Variants in ERC1 observed in about 807,000 individuals in gnomAD.
ERC1 encodes the protein ELKS/RAB6-interacting/CAST family member 1.
In ERC1, 56 loss-of-function variants were observed where a neutral mutation model predicts 132.0. The observed-to-expected ratio is 0.42, with a 90% CI of 0.34 to 0.53. The LOEUF (loss-of-function observed/expected upper bound fraction) is 0.53. Among genes scored for constraint, ERC1 ranks in the 20% least tolerant of loss-of-function variants. The probability of loss-of-function intolerance (pLI) is 0.03; values close to 1 mark genes in which losing one functional copy is unlikely to be tolerated. For missense variants in ERC1, 1,202 were observed against 1,349.9 expected (o/e 0.89, Z 1.72); for synonymous variants, 478 against 476.1 (o/e 1.00, Z -0.05).
intron 10 of ERC1, 143 bp downstream of exon 10, chr12:1,182,208 A>G (rs1954558045): frequency 1.4e-6 from 1 of 707,208 alleles, no homozygotes; most frequent in African/African-American, 1.8e-5. Flanking sequence ...TGAATACCTT[A>G]AGGAATATTT....
intron 18 of ERC1, among the ~76,000 whole-genome samples, chr12:1,459,655 T>C (rs1328591142): frequency 6.6e-6 from 1 of 152,212 alleles, no homozygotes; most frequent in Non-Finnish European, 1.5e-5. Context: ...GAAGGTTGAC[T>C]AAGAACAGAC....
intron 7 of ERC1, among the ~76,000 whole-genome samples, chr12:1,120,557 T>C (rs1030077009): frequency 6.6e-6 from 1 of 152,208 alleles, no homozygotes; most frequent in Non-Finnish European, 1.5e-5. Flanking sequence ...TTCTCAAGAA[T>C]TAAAGTTCTT....
chr12:1,113,001 C>T (rs1185774999), intron 6 of ERC1, among the ~76,000 whole-genome samples: 1 of 152,090 alleles, frequency 6.6e-6, no homozygotes, highest in Non-Finnish European at 1.5e-5. Flanking sequence ...TGTGTCTGTG[C>T]TGAACATGTA....
At chr12:1,471,153 G>T (rs777055802) in intron 18 of ERC1, among the ~76,000 whole-genome samples, 4 of 152,182 alleles carry the variant, frequency 2.6e-5, no homozygotes, top group Non-Finnish European at 5.9e-5. Context: ...TGCTGAGCAT[G>T]GTGGCACACA....
intron 17 of ERC1, among the ~76,000 whole-genome samples, chr12:1,427,825 G>A (rs1034183786): frequency 1.4e-4 from 22 of 152,174 alleles, no homozygotes; most frequent in African/African-American, 4.3e-4. Flanking sequence ...CATATAGGAC[G>A]TGCTCAATAA....
chr12:1,112,159 CAAG>C (rs1555248747), intron 5 of ERC1, 53 bp from the exon 6 acceptor site: 5 of 1,203,044 alleles, frequency 4.2e-6, no homozygotes, highest in Non-Finnish European at 4.9e-6. Context: ...CAAAAGTAGA[CAAG>C]AAGAAGACCT....
At chr12:1,436,322 C>CT (rs1243936736) in intron 17 of ERC1, among the ~76,000 whole-genome samples, 2 of 152,198 alleles carry the variant, frequency 1.3e-5, no homozygotes, top group African/African-American at 2.4e-5. Context: ...ATACTTGGCT[C>CT]TTTTTTGTAG....
chr12:1,112,251 G>C lies in ERC1; in HGVS notation c.1354G>C (p.Ala452Pro), dbSNP rs890359052. 6 of 1,613,526 alleles carry C rather than the reference G, an allele frequency of 3.7e-6. No homozygotes were observed. Among genetic ancestry groups the C allele is most frequent in the Non-Finnish European group, 5.1e-6 (6 of 1,179,498 alleles). ...GAAGGAGGAACTAAGTTCGAAAGAG[G>C]CTCAATGGGAGGAGCTGAAAAAGAA... is the stretch of plus-strand genomic sequence containing the variant. Reference protein sequence around the residue: ...QLKEELSSKEAQWEELKKKAA... With the variant: ...QLKEELSSKEPQWEELKKKAA... Residue 452 changes from alanine to proline, a missense_variant, in exon 6 of 19, where the codon GCT becomes CCT. By Grantham distance (27) the Ala-to-Pro change is conservative (BLOSUM62 -1). Coordinates refer to ENST00000360905, the MANE Select transcript of ERC1 (RefSeq NM_178040.4).
At chr12:1,317,232 G>A (rs1310622558) in intron 15 of ERC1, among the ~76,000 whole-genome samples, 1 of 150,372 alleles carries the variant, frequency 6.7e-6, no homozygotes, top group African/African-American at 2.4e-5. Context: ...CCATAAAAAA[G>A]GATGAGTTCA....
At chr12:1,061,786 C>T (rs2154175819) in intron 2 of ERC1, among the ~76,000 whole-genome samples, 1 of 151,302 alleles carries the variant, frequency 6.6e-6, no homozygotes, top group Non-Finnish European at 1.5e-5. Context: ...CTTATTTCTG[C>T]TCTGGTCTTT....
chr12:1,325,827 C>T (rs113367185), intron 15 of ERC1, among the ~76,000 whole-genome samples: 5,258 of 152,096 alleles, frequency 0.035, 95 homozygotes, highest in Middle Eastern at 0.075. Flanking sequence ...GATATGCACC[C>T]GTTTGTCTAT....
Position 1,320,560 on chromosome 12 carries a change from TTG to T in ERC1, c.2780+30550_2780+30551del, listed in dbSNP as rs199886566. Among the ~76,000 whole-genome samples the T allele has an allele frequency of 3.8e-3, 584 of 152,340 alleles. 6 individuals are homozygous for T. The highest frequency in any genetic ancestry group is 0.014 in the African/African-American group (564 of 41,564). On this transcript the variant is annotated intron_variant, in intron 15 of 18. Transcript: ENST00000360905. Reference sequence around the variant, plus strand: ...TCAATGCTACAGAATTTTAACAAATTTGTAATGCAGAATTTTCATAAGTATAA... The same window carrying T: ...TCAATGCTACAGAATTTTAACAAATTTAATGCAGAATTTTCATAAGTATAA...
rs184573231 is a variant in ERC1 at position 1,137,432 on chromosome 12, T to C, written c.1570-4188T>C. 5.9e-5 allele frequency among the ~76,000 whole-genome samples: 9 copies of C among 152,094 alleles called. No individual in the cohort carries two copies. The South Asian group carries it at 1.7e-3, about 28-fold the overall frequency. ...TACTTACCAGTTCTTTAATATAATA[T>C]GAGGTAAACTATTTAACTACGCTGA... On this transcript the variant is annotated intron_variant, in intron 7 of 18. Transcript: ENST00000360905.
At chr12:1,220,597 T>A (rs1958884537) in intron 12 of ERC1, among the ~76,000 whole-genome samples, 2 of 152,220 alleles carry the variant, frequency 1.3e-5, no homozygotes, top group Non-Finnish European at 2.9e-5. Flanking sequence ...AAAAGACTTT[T>A]CCAGTGACCT....
intron 15 of ERC1, among the ~76,000 whole-genome samples, chr12:1,348,547 G>A (rs894061693): frequency 6.6e-6 from 1 of 152,044 alleles, no homozygotes; most frequent in Admixed American, 6.6e-5. Context: ...ACAAAAATTA[G>A]CTGGGCGTGG....
chr12:994,459 A>G (rs1960375891), intron 1 of ERC1, among the ~76,000 whole-genome samples: 1 of 152,154 alleles, frequency 6.6e-6, no homozygotes, highest in South Asian at 2.1e-4. Flanking sequence ...GGTATGATGT[A>G]GGGCAAACTG....
At chr12:1,108,814 C>T (rs1195994193) in intron 4 of ERC1, among the ~76,000 whole-genome samples, 1 of 152,118 alleles carries the variant, frequency 6.6e-6, no homozygotes, top group African/African-American at 2.4e-5. Flanking sequence ...TTTTAAAGGT[C>T]ACGTGATGAG....
At chr12:1,315,710 TTAGAG>T in intron 15 of ERC1, among the ~76,000 whole-genome samples, 1 of 151,634 alleles carries the variant, frequency 6.6e-6, no homozygotes, top group East Asian at 1.9e-4. Context: ...GAATGGCACA[TTAGAG>T]AGAGAGAAAG....
intron 18 of ERC1, among the ~76,000 whole-genome samples, chr12:1,460,786 C>G (rs1397148291): frequency 6.6e-6 from 1 of 151,082 alleles, no homozygotes; most frequent in African/African-American, 2.4e-5. Context: ...TAATAGCCCC[C>G]TCCTCCCAGT....
Sources: gnomAD v4.1 joint callset for allele counts (sites outside exome capture counted in the v4.1 genomes callset) on GRCh38, gnomAD v4.1.1 for gene constraint, MANE v1.5 for transcripts, NCBI Gene and HGNC (gene_info 2026-07-23, HGNC 2026-07-21) for gene names.